The following SLC22A23 variants were observed in gnomAD, a reference collection of about 807,000 sequenced individuals.
SLC22A23 encodes ion transporter protein.
A neutral mutation model predicts 61.0 loss-of-function variants in SLC22A23; 26 were observed. The ratio of observed to expected loss-of-function variants is 0.43; its 90% CI spans 0.31 to 0.59. The LOEUF (loss-of-function observed/expected upper bound fraction) is 0.59. Among genes scored for constraint, SLC22A23 ranks in the 20% least tolerant of loss-of-function variants. SLC22A23 has a pLI of 0.11. For missense variants in SLC22A23, 796 were observed against 934.7 expected (o/e 0.85, Z 1.94); for synonymous variants, 430 against 413.9 (o/e 1.04, Z -0.47).
intron 3 of SLC22A23, among the ~76,000 whole-genome samples, chr6:3,384,166 T>G (rs1034127639): frequency 6.6e-6 from 1 of 152,252 alleles, no homozygotes; most frequent in African/African-American, 2.4e-5. Flanking sequence ...AAATTGACTT[T>G]TAGTACATTG....
Position 3,456,107 on chromosome 6 carries a change from GTT to G in SLC22A23, c.451_452del (p.Asn151LeufsTer48). 5 of 1,550,730 alleles carry G rather than the reference GTT, an allele frequency of 3.2e-6. No homozygotes were observed. Among genetic ancestry groups the G allele is most frequent in the Non-Finnish European group, 4.4e-6 (5 of 1,146,710 alleles). ...TTTGRGGDMG[N>X]WTSLPTTPFA... is the part of the protein sequence containing the mutation. ...AGGGGGTGGTGGGGAGGCTGGTCCAGTTGCCCATGTCCCCGCCCCGGCCTGTG... is the reference window on the plus strand; with the variant it reads ...AGGGGGTGGTGGGGAGGCTGGTCCAGGCCCATGTCCCCGCCCCGGCCTGTG... On this transcript the variant is annotated frameshift_variant, in exon 1 of 10. Coordinates refer to ENST00000406686, the MANE Select transcript of SLC22A23 (RefSeq NM_015482.2). LOFTEE classifies it high-confidence loss of function. This position sits in a 1 kb window ranked among gnomAD's most constrained non-coding sequence, Gnocchi z 7.1.
intron 3 of SLC22A23, among the ~76,000 whole-genome samples, chr6:3,399,473 C>A (rs540808999): frequency 6.6e-6 from 1 of 152,286 alleles, no homozygotes; most frequent in Non-Finnish European, 1.5e-5. Context: ...AGCCACATCG[C>A]AAACAGGAAC....
intron 4 of SLC22A23, chr6:3,311,693 T>G (rs1167938806): frequency 3.3e-5 from 5 of 152,216 alleles, no homozygotes. Flanking sequence ...GAAAATCTCT[T>G]GGGAGAAAAA....
At chr6:3,379,269 C>T (rs927230739) in intron 3 of SLC22A23, among the ~76,000 whole-genome samples, 1 of 152,188 alleles carries the variant, frequency 6.6e-6, no homozygotes, top group African/African-American at 2.4e-5. Context: ...CATGCTCTTT[C>T]CTCTTGGCAA....
In SLC22A23 at chr6:3,362,769, G is replaced by A. The variant is rs141761136; in HGVS notation, c.914-38767C>T. The stretch of plus-strand genomic sequence containing the variant: ...GAAAGGCTGCAGGTCCCAGAAGCAG[G>A]TAGACCTCCAGGACCCAGGAGAGGA... On this transcript the variant is annotated intron_variant, in intron 3 of 9. Coordinates refer to ENST00000406686, the MANE Select transcript of SLC22A23 (RefSeq NM_015482.2). Among the ~76,000 whole-genome samples, 1,128 of 151,730 alleles carry A rather than the reference G, an allele frequency of 7.4e-3. 17 individuals carry two copies. Among genetic ancestry groups the A allele is most frequent in the African/African-American group, 0.021 (843 of 41,030 alleles).
intron 3 of SLC22A23, among the ~76,000 whole-genome samples, chr6:3,380,974 G>C (rs868366956): frequency 6.6e-6 from 1 of 152,102 alleles, no homozygotes; most frequent in South Asian, 2.1e-4. Context: ...CATTGGTCAG[G>C]ACCAGTCACA....
intron 1 of SLC22A23, among the ~76,000 whole-genome samples, chr6:3,431,819 G>T (rs769841088): frequency 6.6e-6 from 1 of 152,190 alleles, no homozygotes; most frequent in South Asian, 2.1e-4. Context: ...CACAAAGACC[G>T]CCATTTGCCA....
At chr6:3,380,149 T>C (rs1464580057) in intron 3 of SLC22A23, among the ~76,000 whole-genome samples, 2 of 152,354 alleles carry the variant, frequency 1.3e-5, no homozygotes, top group Middle Eastern at 3.4e-3. Context: ...GCTTGATATC[T>C]GAACAACACT....
intron 4 of SLC22A23, among the ~76,000 whole-genome samples, chr6:3,319,707 CG>C (rs1157794563): frequency 6.6e-6 from 1 of 152,136 alleles, no homozygotes; most frequent in Non-Finnish European, 1.5e-5. Flanking sequence ...GTGGATTCCC[CG>C]TGGATCTGTG....
At position 3,304,578 on chromosome 6, in the gene SLC22A23, G is replaced by A. The variant is rs1456719605; in HGVS notation, c.1083-6360C>T. ...CTACAAATCCATCTGAAATGGATTT[G>A]TCACTACTCACTCAAATCCACTGAG... is the stretch of plus-strand genomic sequence containing the variant. On this transcript the variant is annotated intron_variant, in intron 4 of 9. Coordinates refer to ENST00000406686, the MANE Select transcript of SLC22A23 (RefSeq NM_015482.2). The surrounding 1 kb of genome is among the most constrained non-coding windows in gnomAD (Gnocchi z 4.3). Among the ~76,000 whole-genome samples the A allele has an allele frequency of 6.6e-6, 1 of 152,154 alleles. No individual in the cohort carries two copies. Among genetic ancestry groups the A allele is most frequent in the East Asian group, 1.9e-4 (1 of 5,188 alleles).
intron 1 of SLC22A23, among the ~76,000 whole-genome samples, chr6:3,433,130 G>C (rs947003169): frequency 6.6e-6 from 1 of 152,236 alleles, no homozygotes; most frequent in Non-Finnish European, 1.5e-5. Flanking sequence ...ACGCTCACAT[G>C]CAAGAGATGC....
intron 5 of SLC22A23, among the ~76,000 whole-genome samples, chr6:3,295,788 A>G (rs4959800): frequency 0.12 from 18,852 of 152,102 alleles, 1,797 homozygotes; most frequent in African/African-American, 0.26. Flanking sequence ...CTGGGGGTGG[A>G]AGAGAGCAGA....
intron 4 of SLC22A23, 147 bp from the exon 5 acceptor site, chr6:3,298,365 T>TG (rs1182312741): frequency 5.7e-6 from 5 of 870,160 alleles, no homozygotes; most frequent in Non-Finnish European, 8.3e-6. Context: ...GATAAAACTG[T>TG]GGGCACTGAA....
chr6:3,309,419 C>T lies in SLC22A23; in HGVS notation c.1083-11201G>A, dbSNP rs1218886379. On this transcript the variant is annotated intron_variant, in intron 4 of 9. Transcript: ENST00000406686. This position sits in a 1 kb window ranked among gnomAD's most constrained non-coding sequence, Gnocchi z 4.7. ...AAAACACAGACTTGCTTCACAGAGG[C>T]GCGCCCAGGGTCTTCAGACAACTGA... Among the ~76,000 whole-genome samples, 2 of 152,208 alleles carry T rather than the reference C, an allele frequency of 1.3e-5. No homozygotes were observed. Among genetic ancestry groups the T allele is most frequent in the Non-Finnish European group, 1.5e-5 (1 of 68,044 alleles).
At chr6:3,281,685 C>G (rs1341085742) in intron 9 of SLC22A23, among the ~76,000 whole-genome samples, 1 of 152,070 alleles carries the variant, frequency 6.6e-6, no homozygotes, top group Non-Finnish European at 1.5e-5. Context: ...CTACTTCCAT[C>G]CTAGGGCCTC....
At chr6:3,296,762 G>A (rs970911548) in intron 5 of SLC22A23, among the ~76,000 whole-genome samples, 4 of 152,044 alleles carry the variant, frequency 2.6e-5, no homozygotes, top group Admixed American at 1.3e-4. Context: ...TGACTCTCAC[G>A]GCCCTGCACA....
At chr6:3,401,195 A>G (rs918961324) in intron 3 of SLC22A23, among the ~76,000 whole-genome samples, 2 of 152,168 alleles carry the variant, frequency 1.3e-5, no homozygotes, top group African/African-American at 4.8e-5. Context: ...TACAAAAATT[A>G]GCCGGGCGTG....
At chr6:3,368,263 AG>A (rs1765966809) in intron 3 of SLC22A23, among the ~76,000 whole-genome samples, 1 of 152,314 alleles carries the variant, frequency 6.6e-6, no homozygotes, top group African/African-American at 2.4e-5. Flanking sequence ...GCAAGGATGT[AG>A]GCCAGGCTTC....
At chr6:3,347,748 A>G (rs1214746086) in intron 3 of SLC22A23, among the ~76,000 whole-genome samples, 2 of 152,092 alleles carry the variant, frequency 1.3e-5, no homozygotes, top group African/African-American at 2.4e-5. Flanking sequence ...TAAAAGTCTG[A>G]TATTTTCTCA....
Sources: allele counts gnomAD v4.1 joint callset (sites outside exome capture counted in the v4.1 genomes callset), GRCh38; gene constraint gnomAD v4.1.1; non-coding constraint Gnocchi (gnomAD v3.1); transcripts MANE v1.5; gene names NCBI Gene and HGNC (gene_info 2026-07-23, HGNC 2026-07-21).